The following EEF1AKMT2 variants were observed in gnomAD, a reference collection of about 807,000 sequenced individuals.
The protein encoded by EEF1AKMT2 is EEF1A lysine methyltransferase 2.
EEF1AKMT2 carries 32 observed loss-of-function variants against 35.8 expected under a neutral mutation model. That is an observed-to-expected ratio of 0.89 (90% CI 0.67 to 1.20). The LOEUF (loss-of-function observed/expected upper bound fraction) is 1.20, where lower values mean the gene tolerates loss of function less well. Among genes scored for constraint, EEF1AKMT2 ranks in the 50% most tolerant of loss-of-function variants. The pLI is 0.00. For synonymous variants in EEF1AKMT2, 121 were observed against 133.7 expected, an observed-to-expected ratio of 0.91 and a Z score of 0.65; for missense variants, 330 against 347.5, an observed-to-expected ratio of 0.95 and a Z score of 0.40.
chr10:124,770,630 T>C (rs1207682952), intron 4 of EEF1AKMT2, among the ~76,000 whole-genome samples: 2 of 152,196 alleles, frequency 1.3e-5, no homozygotes, highest in South Asian at 2.1e-4. Flanking sequence ...TTCTTCCTTT[T>C]ATGAAAAATT....
intron 3 of EEF1AKMT2, among the ~76,000 whole-genome samples, chr10:124,783,201 G>T (rs1320277642): frequency 1.4e-5 from 2 of 146,642 alleles, no homozygotes; most frequent in Non-Finnish European, 3.0e-5. Flanking sequence ...AGTGCAGTGG[G>T]GCCATCTCGG....
chr10:124,771,697 A>G (rs988879404), intron 4 of EEF1AKMT2, among the ~76,000 whole-genome samples: 8 of 151,946 alleles, frequency 5.3e-5, no homozygotes, highest in Middle Eastern at 3.4e-3. Flanking sequence ...GTGAAACCCC[A>G]TCTCTACTAA....
intron 5 of EEF1AKMT2, among the ~76,000 whole-genome samples, chr10:124,763,761 T>C (rs768668925): frequency 2.0e-5 from 3 of 152,100 alleles, no homozygotes; most frequent in Admixed American, 6.5e-5. Context: ...AAAGAACACC[T>C]GTATTTAAAA....
At chr10:124,779,615 G>A (rs1264850616) in intron 3 of EEF1AKMT2, among the ~76,000 whole-genome samples, 2 of 150,358 alleles carry the variant, frequency 1.3e-5, no homozygotes, top group Non-Finnish European at 1.5e-5. Flanking sequence ...GGACGTGGTG[G>A]CGGGTGCCAG....
chr10:124,780,327 AAATACTATAGAGATGT>A (rs140404368), intron 3 of EEF1AKMT2, among the ~76,000 whole-genome samples: 30,079 of 152,228 alleles, frequency 0.2, 3,512 homozygotes, highest in Non-Finnish European at 0.26. Flanking sequence ...AAAACATGTT[AAATACTATAGAGATGT>A]AATTAGAAAA....
At chr10:124,781,386 C>T (rs1191622121) in intron 3 of EEF1AKMT2, among the ~76,000 whole-genome samples, 1 of 151,322 alleles carries the variant, frequency 6.6e-6, no homozygotes, top group Non-Finnish European at 1.5e-5. Flanking sequence ...CGAGACCAGC[C>T]CGGCCAACAT....
chr10:124,781,281 C>G (rs1950537216), intron 3 of EEF1AKMT2, among the ~76,000 whole-genome samples: 1 of 151,768 alleles, frequency 6.6e-6, no homozygotes, highest in Non-Finnish European at 1.5e-5. Flanking sequence ...ACGGCTAGCT[C>G]AGAATTCTAT....
chr10:124,782,300 C>T (rs1429653889), intron 3 of EEF1AKMT2, among the ~76,000 whole-genome samples: 8 of 151,638 alleles, frequency 5.3e-5, no homozygotes, highest in Non-Finnish European at 7.4e-5. Context: ...AGTTCAAGAC[C>T]GGCCGGGTGC....
At chr10:124,780,649 C>A (rs1950531896) in intron 3 of EEF1AKMT2, among the ~76,000 whole-genome samples, 1 of 151,314 alleles carries the variant, frequency 6.6e-6, no homozygotes, top group South Asian at 2.1e-4. Flanking sequence ...GTATAGACTC[C>A]CAAAATGAAA....
chr10:124,778,229 CAT>C (rs1200725547), intron 3 of EEF1AKMT2, among the ~76,000 whole-genome samples: 3 of 152,086 alleles, frequency 2.0e-5, no homozygotes, highest in African/African-American at 7.2e-5. Context: ...TACACACAAA[CAT>C]ATATGTATAC....
chr10:124,762,101 G>A (rs1046581356), intron 6 of EEF1AKMT2, among the ~76,000 whole-genome samples, 199 bp downstream of exon 6: 6 of 152,164 alleles, frequency 3.9e-5, no homozygotes, highest in African/African-American at 1.4e-4. Context: ...TTTAAGTGAT[G>A]TATACTGGCC....
intron 3 of EEF1AKMT2, among the ~76,000 whole-genome samples, chr10:124,779,156 G>T (rs1280945477): frequency 6.6e-6 from 1 of 151,366 alleles, no homozygotes; most frequent in Non-Finnish European, 1.5e-5. Flanking sequence ...ATGGAAACAG[G>T]GTTTCCTTCT....
chr10:124,768,275 G>C lies in EEF1AKMT2; in HGVS notation c.400-2667C>G, dbSNP rs556344881. 2.1e-4 allele frequency among the ~76,000 whole-genome samples: 32 copies of C among 152,182 alleles called. 1 individual carries two copies. The South Asian group carries it at 2.9e-3, about 14-fold the overall frequency. On this transcript the variant is annotated intron_variant, in intron 4 of 6. Coordinates refer to ENST00000368836, the MANE Select transcript of EEF1AKMT2 (RefSeq NM_212554.4). ...ACAATGCAATGGGGAAGTCAGTTCA[G>C]GATTGTGAGCAAGGAAGCGACATGA...
chr10:124,771,061 C>A (rs531293795), intron 4 of EEF1AKMT2, among the ~76,000 whole-genome samples: 1 of 152,048 alleles, frequency 6.6e-6, no homozygotes, highest in Non-Finnish European at 1.5e-5. Flanking sequence ...ATGTTCTTCA[C>A]GACAGGCAGA....
chr10:124,783,139 T>A (rs1311706393), intron 3 of EEF1AKMT2, among the ~76,000 whole-genome samples: 1 of 27,524 alleles, frequency 3.6e-5, no homozygotes, highest in Non-Finnish European at 1.1e-4. Flanking sequence ...GGAAAAACCT[T>A]TTTTTTTTTT....
At chr10:124,782,920 A>C in intron 3 of EEF1AKMT2, 1 of 410,088 alleles carries the variant, frequency 2.4e-6, no homozygotes, top group South Asian at 1.8e-5. Flanking sequence ...ACACCAGTTA[A>C]AGGTTAGAGA....
intron 3 of EEF1AKMT2, among the ~76,000 whole-genome samples, chr10:124,780,994 G>A (rs927732947): frequency 6.6e-6 from 1 of 151,772 alleles, no homozygotes; most frequent in African/African-American, 2.4e-5. Context: ...CTGCCAAGCT[G>A]GAATGCAGTG....
intron 3 of EEF1AKMT2, among the ~76,000 whole-genome samples, chr10:124,787,277 G>A (rs928472393): frequency 6.6e-6 from 1 of 151,876 alleles, no homozygotes; most frequent in African/African-American, 2.4e-5. Flanking sequence ...CAATAAAAAT[G>A]AACTACATAG....
intron 4 of EEF1AKMT2, among the ~76,000 whole-genome samples, chr10:124,773,414 T>C (rs1219102901): frequency 6.6e-6 from 1 of 152,078 alleles, no homozygotes; most frequent in Non-Finnish European, 1.5e-5. Context: ...GTACTTTTGG[T>C]GGAGATATGG....
Sources: gnomAD v4.1 joint callset for allele counts (sites outside exome capture counted in the v4.1 genomes callset) on GRCh38, gnomAD v4.1.1 for gene constraint, MANE v1.5 for transcripts, NCBI Gene and HGNC (gene_info 2026-07-23, HGNC 2026-07-21) for gene names.